The following ERC1 variants were observed in gnomAD, a reference collection of about 807,000 sequenced individuals.
The protein encoded by ERC1 is ELKS/RAB6-interacting/CAST family member 1, also known as RAB6 interacting protein 2.
A neutral mutation model predicts 132.0 loss-of-function variants in ERC1; 56 were observed. That is an observed-to-expected ratio of 0.42 (90% CI 0.34 to 0.53). ERC1 has a LOEUF of 0.53. ERC1 is among the 20% of genes least tolerant of loss of function. ERC1 has a pLI of 0.03. For missense variants in ERC1, 1,202 were observed against 1,349.9 expected, an observed-to-expected ratio of 0.89 and a Z score of 1.72; for synonymous variants, 478 against 476.1, an observed-to-expected ratio of 1.00 and a Z score of -0.05.
intron 8 of ERC1, among the ~76,000 whole-genome samples, chr12:1,179,153 A>C (rs1328370788): frequency 6.6e-6 from 1 of 152,090 alleles, no homozygotes; most frequent in Admixed American, 6.6e-5. Flanking sequence ...ATAACATGCT[A>C]TTTCCACAGT....
intron 7 of ERC1, among the ~76,000 whole-genome samples, chr12:1,132,236 A>G (rs950657681): frequency 6.6e-6 from 1 of 152,182 alleles, no homozygotes; most frequent in African/African-American, 2.4e-5. Context: ...AAAGCAGACT[A>G]AGACAAAGTG....
At position 1,327,903 on chromosome 12, in the gene ERC1, G is replaced by T. The variant is rs548395982; in HGVS notation, c.2780+37891G>T. ...ATCATCAAGAAATGTCGTTTACTCA[G>T]TTGTTCAAGCCAGAAACTAATTAAA... On this transcript the variant is annotated intron_variant, in intron 15 of 18. Coordinates refer to ENST00000360905, the MANE Select transcript of ERC1 (RefSeq NM_178040.4). Among the ~76,000 whole-genome samples, 4 of 151,820 alleles carry T rather than the reference G, an allele frequency of 2.6e-5. No individual in the cohort carries two copies. The South Asian group carries it at 8.3e-4, about 32-fold the overall frequency.
At chr12:1,387,681 A>C (rs2089521040) in intron 16 of ERC1, among the ~76,000 whole-genome samples, 1 of 152,228 alleles carries the variant, frequency 6.6e-6, no homozygotes, top group African/African-American at 2.4e-5. Flanking sequence ...ACTGAAGCCA[A>C]AAGAGGCAAG....
intron 15 of ERC1, among the ~76,000 whole-genome samples, chr12:1,355,347 T>A (rs1027401295): frequency 6.6e-6 from 1 of 152,232 alleles, no homozygotes; most frequent in African/African-American, 2.4e-5. Flanking sequence ...CATTTAAAAA[T>A]GGAAAAGCCA....
rs116534975 is a variant in ERC1, at chr12:997,363, A to T, written c.-157+6041A>T. 5.6e-3 allele frequency among the ~76,000 whole-genome samples: 859 copies of T among 152,322 alleles called. 2 individuals carry two copies. Among genetic ancestry groups the T allele is most frequent in the African/African-American group, 0.018 (765 of 41,560 alleles). On this transcript the variant is annotated intron_variant, in intron 1 of 18. Coordinates refer to ENST00000360905, the MANE Select transcript of ERC1 (RefSeq NM_178040.4). ...GAAAGTACGAACATATGTGTCCTAG[A>T]TTTCTTGAGGACAGGAACTATCTAT...
chr12:1,372,067 C>A (rs1591594435), intron 16 of ERC1, 90 bp downstream of exon 16: 2 of 1,304,898 alleles, frequency 1.5e-6, no homozygotes, highest in Non-Finnish European at 2.0e-6. Flanking sequence ...TTTAAGGTCT[C>A]ATGTTTCATA....
chr12:1,265,509 T>A (rs1377866121), intron 14 of ERC1, among the ~76,000 whole-genome samples: 1 of 152,222 alleles, frequency 6.6e-6, no homozygotes, highest in East Asian at 1.9e-4. Context: ...CAGTTTCCCC[T>A]ATTATTAACA....
At position 1,232,298 on chromosome 12, in the gene ERC1, C is replaced by A. The variant is rs149468354; in HGVS notation, c.2352-4471C>A. Among the ~76,000 whole-genome samples the A allele has an allele frequency of 6.2e-3, 942 of 152,218 alleles. 5 individuals carry two copies. Among genetic ancestry groups the A allele is most frequent in the Middle Eastern group, 0.02 (6 of 294 alleles). ...TTATAATGTGTTTCAGTGTAATTTT[C>A]TTTGACTTGAGCTTTTGAGCTTCAT... On this transcript the variant is annotated intron_variant, in intron 12 of 18. Transcript: ENST00000360905.
intron 15 of ERC1, among the ~76,000 whole-genome samples, chr12:1,361,805 G>A (rs1365243895): frequency 6.6e-6 from 1 of 152,176 alleles, no homozygotes; most frequent in Non-Finnish European, 1.5e-5. Flanking sequence ...TCAACAGTAT[G>A]GGATGAAACT....
intron 18 of ERC1, among the ~76,000 whole-genome samples, chr12:1,487,364 G>T (rs1250088210): frequency 7.3e-6 from 1 of 137,340 alleles, no homozygotes; most frequent in Admixed American, 7.7e-5. Context: ...ATGGTGCCAA[G>T]CATCTAGATT....
At chr12:1,373,365 C>T (rs574385822) in intron 16 of ERC1, among the ~76,000 whole-genome samples, 1 of 152,230 alleles carries the variant, frequency 6.6e-6, no homozygotes, top group Non-Finnish European at 1.5e-5. Context: ...TTAAGCAGTT[C>T]TTGATCTCTT....
At chr12:1,114,301 G>C (rs1403172771) in intron 6 of ERC1, among the ~76,000 whole-genome samples, 1 of 152,146 alleles carries the variant, frequency 6.6e-6, no homozygotes, top group Non-Finnish European at 1.5e-5. Context: ...GATTACAGGC[G>C]TGAGCCACTG....
intron 15 of ERC1, among the ~76,000 whole-genome samples, chr12:1,352,441 T>C (rs1445334739): frequency 6.6e-6 from 1 of 152,224 alleles, no homozygotes; most frequent in Non-Finnish European, 1.5e-5. Flanking sequence ...CTGGAAAATT[T>C]AGGTTGGAGC....
At position 1,490,398 on chromosome 12, in the gene ERC1, C is replaced by T; in HGVS notation, c.*168C>T. On this transcript the variant is annotated 3_prime_UTR_variant, in exon 19 of 19. Transcript: ENST00000360905. ...CACCGTTTCTACATCTGCCATCTTA[C>T]TCTGCCTTTCTGCTTTGGATGTGGT... The T allele has an allele frequency of 1.5e-6, 1 of 650,644 alleles. No individual in the cohort carries two copies. The highest frequency in any genetic ancestry group is 2.6e-6 in the Non-Finnish European group (1 of 382,946). The allele number at this position is 650,644 out of a possible 1,614,324, so 40.3% of individuals were successfully genotyped here. A position where few individuals can be genotyped will look rare whatever the true frequency, so the allele number is the denominator to read the frequency against.
intron 8 of ERC1, chr12:1,152,414 AGAG>A (rs1324645565): frequency 1.2e-4 from 18 of 152,556 alleles, no homozygotes; most frequent in African/African-American, 4.3e-4. Context: ...ATTAACAAGC[AGAG>A]GAGAGCCAGT....
At chr12:1,248,851 C>T (rs975297023) in intron 13 of ERC1, among the ~76,000 whole-genome samples, 1 of 151,928 alleles carries the variant, frequency 6.6e-6, no homozygotes, top group South Asian at 2.1e-4. Flanking sequence ...GGTAAGGGCT[C>T]TGTGAGAATT....
At chr12:1,160,374 G>C (rs1052084212) in intron 8 of ERC1, among the ~76,000 whole-genome samples, 1 of 152,050 alleles carries the variant, frequency 6.6e-6, no homozygotes, top group African/African-American at 2.4e-5. Context: ...TTGTTTGCAG[G>C]TCCAGACTTT....
intron 15 of ERC1, among the ~76,000 whole-genome samples, chr12:1,315,566 G>A (rs898667018): frequency 2.6e-5 from 4 of 152,104 alleles, no homozygotes; most frequent in Non-Finnish European, 4.4e-5. Context: ...GGCCAGGCTG[G>A]TCTCGAACTC....
At position 1,008,810 on chromosome 12, in the gene ERC1, C is replaced by T. The variant is rs115773398; in HGVS notation, c.-157+17488C>T. ...CTTTTCCAGTAATGGAATTAAGTAT[C>T]GGTTTTTAAAGTTTCAATTCCCGTG... is the stretch of plus-strand genomic sequence containing the variant. On this transcript the variant is annotated intron_variant, in intron 1 of 18. Coordinates refer to ENST00000360905, the MANE Select transcript of ERC1 (RefSeq NM_178040.4). 5.9e-3 allele frequency among the ~76,000 whole-genome samples: 900 copies of T among 152,264 alleles called. 10 individuals are homozygous for T. Among genetic ancestry groups the T allele is most frequent in the African/African-American group, 0.02 (830 of 41,554 alleles).
Sources: allele counts gnomAD v4.1 joint callset (sites outside exome capture counted in the v4.1 genomes callset), GRCh38; gene constraint gnomAD v4.1.1; transcripts MANE v1.5; gene names NCBI Gene and HGNC (gene_info 2026-07-23, HGNC 2026-07-21).